PCDH15: variants seen among roughly 807,000 people sequenced by gnomAD.
PCDH15 encodes the protein protocadherin-15.
A neutral mutation model predicts 178.5 loss-of-function variants in PCDH15; 129 were observed. The ratio of observed to expected loss-of-function variants is 0.72; its 90% CI spans 0.63 to 0.84. The LOEUF (loss-of-function observed/expected upper bound fraction) is 0.84, where lower values mean the gene tolerates loss of function less well. PCDH15 is among the 40% of genes least tolerant of loss of function. PCDH15 has a pLI of 0.00. For missense variants in PCDH15, 2,230 were observed against 2,099.9 expected (o/e 1.06, Z -1.21); for synonymous variants, 800 against 732.0 (o/e 1.09, Z -1.50).
intron 8 of PCDH15, among the ~76,000 whole-genome samples, chr10:54,242,485 T>C (rs1023908649): frequency 2.6e-5 from 4 of 151,966 alleles, no homozygotes; most frequent in Non-Finnish European, 5.9e-5. Flanking sequence ...ATGCCTATGA[T>C]TTTCACTGTT....
intron 2 of PCDH15, among the ~76,000 whole-genome samples, chr10:54,614,100 G>A (rs1231738815): frequency 6.6e-6 from 1 of 151,938 alleles, no homozygotes; most frequent in African/African-American, 2.4e-5. Flanking sequence ...ACATGCATAT[G>A]AGCATATATA....
At chr10:55,152,546 T>C (rs1216323131) in intron 2 of PCDH15, among the ~76,000 whole-genome samples, 2 of 152,122 alleles carry the variant, frequency 1.3e-5, no homozygotes, top group Non-Finnish European at 2.9e-5. Flanking sequence ...AGGTTTAAAA[T>C]GAATAAGATT....
chr10:55,257,346 A>G (rs1231643105), intron 1 of PCDH15, among the ~76,000 whole-genome samples: 1 of 152,206 alleles, frequency 6.6e-6, no homozygotes, highest in Non-Finnish European at 1.5e-5. Flanking sequence ...ACAGCTCTTC[A>G]CCAGCAACGG....
intron 2 of PCDH15, among the ~76,000 whole-genome samples, chr10:54,553,461 T>C (rs1015659727): frequency 6.6e-6 from 1 of 152,294 alleles, no homozygotes; most frequent in East Asian, 1.9e-4. Context: ...TCTGTTTAGA[T>C]TGGAAAATGT....
intron 2 of PCDH15, among the ~76,000 whole-genome samples, chr10:55,427,906 G>T (rs1838794857): frequency 6.6e-6 from 1 of 152,088 alleles, no homozygotes; most frequent in East Asian, 1.9e-4. Context: ...CAATTTTGGG[G>T]AAAAATGTAT....
At chr10:54,809,106 G>T (rs1156713808) in intron 3 of PCDH15, among the ~76,000 whole-genome samples, 1 of 152,036 alleles carries the variant, frequency 6.6e-6, no homozygotes, top group Non-Finnish European at 1.5e-5. Flanking sequence ...AAATTTTTAA[G>T]GTATGAATAT....
chr10:54,473,092 T>C (rs1284342648), intron 3 of PCDH15, among the ~76,000 whole-genome samples: 1 of 152,170 alleles, frequency 6.6e-6, no homozygotes, highest in East Asian at 1.9e-4. Context: ...ACAGAATTTT[T>C]ATAGATCAGT....
At chr10:55,626,130 A>C (rs1837522226) in intron 2 of PCDH15, among the ~76,000 whole-genome samples, 1 of 152,120 alleles carries the variant, frequency 6.6e-6, no homozygotes, top group Middle Eastern at 3.4e-3. Context: ...AGTGTACAGA[A>C]GCAAGAGAGA....
chr10:55,143,485 T>G (rs1020547457), intron 2 of PCDH15, among the ~76,000 whole-genome samples: 5 of 152,148 alleles, frequency 3.3e-5, no homozygotes, highest in Admixed American at 1.3e-4. Context: ...CATCCATCTA[T>G]CAATACTTTA....
chr10:54,675,905 A>G (rs531125838), intron 1 of PCDH15, among the ~76,000 whole-genome samples: 1 of 152,280 alleles, frequency 6.6e-6, no homozygotes, highest in East Asian at 1.9e-4. Context: ...TTTTCACAAA[A>G]TGTCCTGTTA....
chr10:55,331,718 C>A (rs1324425883), intron 2 of PCDH15, among the ~76,000 whole-genome samples: 1 of 152,084 alleles, frequency 6.6e-6, no homozygotes, highest in Admixed American at 6.6e-5. Context: ...CACAAATGGT[C>A]TGAAAGAGTG....
chr10:55,576,695 T>A (rs1028590203), intron 2 of PCDH15, among the ~76,000 whole-genome samples: 1 of 151,666 alleles, frequency 6.6e-6, no homozygotes, highest in Admixed American at 6.6e-5. Flanking sequence ...TGTAATAAAC[T>A]TTCATTTATA....
intron 2 of PCDH15, among the ~76,000 whole-genome samples, chr10:55,566,035 T>C (rs1842294360): frequency 6.6e-6 from 1 of 151,778 alleles, no homozygotes; most frequent in East Asian, 1.9e-4. Flanking sequence ...TAAACACTGA[T>C]GCAAAAATCC....
intron 3 of PCDH15, among the ~76,000 whole-genome samples, chr10:54,389,667 G>A (rs1032962403): frequency 5.3e-5 from 8 of 152,228 alleles, no homozygotes; most frequent in African/African-American, 1.7e-4. Context: ...GGCTGGGAAT[G>A]GTGGCTCACG....
intron 2 of PCDH15, among the ~76,000 whole-genome samples, chr10:55,001,681 G>T (rs1241128240): frequency 2.0e-5 from 3 of 152,094 alleles, no homozygotes; most frequent in African/African-American, 4.8e-5. Context: ...ACTGATCCCT[G>T]CCTGGCTCAC....
chr10:55,393,846 G>C (rs1054914887), intron 2 of PCDH15, among the ~76,000 whole-genome samples: 2 of 152,056 alleles, frequency 1.3e-5, no homozygotes, highest in African/African-American at 2.4e-5. Context: ...TTGTCCTATA[G>C]TTCACATTTT....
intron 15 of PCDH15, among the ~76,000 whole-genome samples, chr10:54,116,674 A>C (rs763697256): frequency 1.3e-5 from 2 of 152,216 alleles, no homozygotes; most frequent in Non-Finnish European, 2.9e-5. Flanking sequence ...GGGCCTTGCC[A>C]ATTACATTTC....
chr10:54,405,818 A>G (rs1297159531), intron 3 of PCDH15, among the ~76,000 whole-genome samples: 2 of 151,970 alleles, frequency 1.3e-5, no homozygotes, highest in Non-Finnish European at 2.9e-5. Context: ...ACTTCCAAAC[A>G]ATACATGAAG....
chr10:54,170,686 A>T (rs2046803958), intron 13 of PCDH15, among the ~76,000 whole-genome samples: 1 of 151,010 alleles, frequency 6.6e-6, no homozygotes, highest in African/African-American at 2.4e-5. Flanking sequence ...CATTCACCCC[A>T]TTTCCCCAAA....
Sources: allele counts gnomAD v4.1 joint callset (sites outside exome capture counted in the v4.1 genomes callset), GRCh38; gene constraint gnomAD v4.1.1; transcripts MANE v1.5; gene names NCBI Gene and HGNC (gene_info 2026-07-23, HGNC 2026-07-21).